The following ADAMTSL1 variants were observed in gnomAD, a reference collection of about 807,000 sequenced individuals.
ADAMTSL1 encodes ADAMTS like 1.
A neutral mutation model predicts 201.8 loss-of-function variants in ADAMTSL1; 126 were observed. The ratio of observed to expected loss-of-function variants is 0.62; its 90% CI spans 0.54 to 0.72. The LOEUF (loss-of-function observed/expected upper bound fraction) is 0.72. Among genes scored for constraint, ADAMTSL1 ranks in the 30% least tolerant of loss-of-function variants. ADAMTSL1 has a pLI of 0.00. For missense variants in ADAMTSL1, 2,679 were observed against 2,277.8 expected (o/e 1.18, Z -3.59); for synonymous variants, 1,121 against 903.4 (o/e 1.24, Z -4.32).
chr9:18,316,113 G>T (rs746242899), intron 2 of ADAMTSL1, among the ~76,000 whole-genome samples: 39 of 152,178 alleles, frequency 2.6e-4, no homozygotes, highest in Non-Finnish European at 4.9e-4. Context: ...TTTTCAAAAG[G>T]GGAGGGAATG....
At chr9:18,040,374 G>A (rs979520247) in intron 1 of ADAMTSL1, among the ~76,000 whole-genome samples, 1 of 152,194 alleles carries the variant, frequency 6.6e-6, no homozygotes, top group Admixed American at 6.5e-5. Flanking sequence ...TTAAGTGGTG[G>A]TGGAGAAAGC....
Position 18,312,498 on chromosome 9 carries a change from TGAG to T in ADAMTSL1, c.207+148518_207+148520del, listed in dbSNP as rs376172614. Among the ~76,000 whole-genome samples the T allele has an allele frequency of 5.6e-3, 847 of 152,308 alleles. 4 individuals are homozygous for T. The highest frequency in any genetic ancestry group is 8.5e-3 in the Non-Finnish European group (580 of 68,026). On this transcript the variant is annotated intron_variant, in intron 2 of 29. Transcript: ENST00000680146. ...TATGCACTGGCCTTGGCCTTGAACTTGAGTTGCTTTTGCCTGGTAGTGGTATGG... is the reference window on the plus strand; with the variant it reads ...TATGCACTGGCCTTGGCCTTGAACTTTTGCTTTTGCCTGGTAGTGGTATGG...
intron 2 of ADAMTSL1, among the ~76,000 whole-genome samples, chr9:18,253,484 A>G (rs1485104858): frequency 1.8e-4 from 28 of 152,240 alleles, no homozygotes; most frequent in Admixed American, 1.8e-3. Context: ...TTTTCTAAAA[A>G]TAGAATGAAA....
At chr9:18,604,265 T>C (rs1382362946) in intron 4 of ADAMTSL1, among the ~76,000 whole-genome samples, 2 of 152,130 alleles carry the variant, frequency 1.3e-5, no homozygotes, top group African/African-American at 2.4e-5. Flanking sequence ...AACAATTACA[T>C]AGGGTAGGGC....
At chr9:18,167,663 C>A (rs1037298961) in intron 2 of ADAMTSL1, among the ~76,000 whole-genome samples, 3 of 151,966 alleles carry the variant, frequency 2.0e-5, no homozygotes, top group Non-Finnish European at 4.4e-5. Flanking sequence ...TCAACCAATA[C>A]ATACATTCTC....
chr9:18,639,738 C>G (rs1827329941), intron 7 of ADAMTSL1, among the ~76,000 whole-genome samples: 1 of 152,034 alleles, frequency 6.6e-6, no homozygotes, highest in Non-Finnish European at 1.5e-5. Flanking sequence ...CAGTCATTGA[C>G]TTATATAGGC....
chr9:17,979,441 A>G (rs557677457), intron 1 of ADAMTSL1, among the ~76,000 whole-genome samples: 78 of 152,078 alleles, frequency 5.1e-4, no homozygotes, highest in Non-Finnish European at 1.1e-3. Flanking sequence ...CTCTTGATCA[A>G]GAAAGATCAG....
chr9:18,784,822 G>A lies in ADAMTSL1; in HGVS notation c.3677+6916G>A, dbSNP rs544533585. 5.1e-4 allele frequency among the ~76,000 whole-genome samples: 78 copies of A among 152,294 alleles called. 1 individual carries two copies. The highest frequency in any genetic ancestry group is 1.6e-3 in the Admixed American group (24 of 15,294). On this transcript the variant is annotated intron_variant, in intron 19 of 28. Coordinates refer to ENST00000380548, the MANE Select transcript of ADAMTSL1 (RefSeq NM_001040272.6). ...TCCCAATTTTACCGATATTGGAGTT[G>A]AAGCACGGAGATGTTAGATTAACTC...
intron 23 of ADAMTSL1, among the ~76,000 whole-genome samples, chr9:18,849,087 C>G (rs1268189613): frequency 2.6e-5 from 4 of 152,204 alleles, no homozygotes; most frequent in South Asian, 2.1e-4. Flanking sequence ...GATACTTAGC[C>G]TATCACACCT....
intron 2 of ADAMTSL1, among the ~76,000 whole-genome samples, chr9:18,367,117 A>T (rs1429388819): frequency 1.3e-5 from 2 of 152,136 alleles, no homozygotes; most frequent in Non-Finnish European, 2.9e-5. Context: ...TACCTAGAAA[A>T]CGTGTATTTT....
intron 2 of ADAMTSL1, among the ~76,000 whole-genome samples, chr9:18,415,113 A>C (rs1818616829): frequency 6.6e-6 from 1 of 152,228 alleles, no homozygotes; most frequent in African/African-American, 2.4e-5. Flanking sequence ...GAATGTTTAC[A>C]TAAATACAGA....
intron 13 of ADAMTSL1, among the ~76,000 whole-genome samples, chr9:18,702,013 G>T (rs1451798423): frequency 6.6e-6 from 1 of 152,310 alleles, no homozygotes; most frequent in African/African-American, 2.4e-5. Context: ...TCACAATCAT[G>T]GTGGAAGGCA....
rs1397841147 is a variant in ADAMTSL1 at position 18,504,974 on chromosome 9, TGGG to T, written c.191+21_191+23del. 2.7e-5 allele frequency: 43 copies of T among 1,593,668 alleles called. No individual in the cohort carries two copies. The highest frequency in any genetic ancestry group is 3.4e-4 in the Middle Eastern group (2 of 5,886). ...AGCAGCAAGTAAGTCCTGCACCCGT[TGGG>T]GGTCTTTGTGAGAACCAGAGGTAGC... On this transcript the variant is annotated intron_variant, in intron 2 of 28. Transcript: ENST00000380548.
chr9:18,322,989 A>T (rs1834687619), intron 2 of ADAMTSL1, among the ~76,000 whole-genome samples: 1 of 152,240 alleles, frequency 6.6e-6, no homozygotes, highest in Non-Finnish European at 1.5e-5. Flanking sequence ...CCAATCTTAC[A>T]CAAAATCTTT....
At chr9:18,707,683 T>A (rs1056908386) in intron 14 of ADAMTSL1, among the ~76,000 whole-genome samples, 13 of 152,236 alleles carry the variant, frequency 8.5e-5, no homozygotes, top group South Asian at 2.1e-4. Context: ...TTCCTTTCTC[T>A]GCCTGGAGCC....
At chr9:18,296,080 C>G (rs906069144) in intron 2 of ADAMTSL1, among the ~76,000 whole-genome samples, 1 of 152,114 alleles carries the variant, frequency 6.6e-6, no homozygotes, top group African/African-American at 2.4e-5. Context: ...TTAGGCCTAA[C>G]TTTTAGTTGA....
At chr9:18,858,772 A>T (rs1827023983) in intron 23 of ADAMTSL1, among the ~76,000 whole-genome samples, 1 of 152,196 alleles carries the variant, frequency 6.6e-6, no homozygotes, top group African/African-American at 2.4e-5. Flanking sequence ...ACTTTGAATA[A>T]GAGAATGCTG....
At position 18,591,317 on chromosome 9, in the gene ADAMTSL1, T is replaced by G. The variant is rs555977700; in HGVS notation, c.474+17051T>G. Among the ~76,000 whole-genome samples the G allele has an allele frequency of 5.3e-5, 8 of 152,340 alleles. No homozygotes were observed. In the South Asian group the frequency reaches 1.4e-3, roughly 28 times the overall value. On this transcript the variant is annotated intron_variant, in intron 4 of 28. Coordinates refer to ENST00000380548, the MANE Select transcript of ADAMTSL1 (RefSeq NM_001040272.6). ...AGTTTTTGACTTAAAGTCTCTTTTA[T>G]ATGATGTAAGTTGAGCTACTTCTGC...
chr9:18,853,282 G>C (rs552709875), intron 23 of ADAMTSL1, among the ~76,000 whole-genome samples: 1 of 152,318 alleles, frequency 6.6e-6, no homozygotes, highest in East Asian at 1.9e-4. Flanking sequence ...TAAGACAGGG[G>C]CATTGCAGAG....
Sources: gnomAD v4.1 joint callset for allele counts (sites outside exome capture counted in the v4.1 genomes callset) on GRCh38, gnomAD v4.1.1 for gene constraint, MANE v1.5 for transcripts, NCBI Gene and HGNC (gene_info 2026-07-23, HGNC 2026-07-21) for gene names.